Variants in PCDHA3 observed in about 807,000 individuals in gnomAD.
The protein encoded by PCDHA3 is protocadherin alpha-3.
Under a neutral mutation model 62.2 loss-of-function variants are expected in PCDHA3, and 41 were observed. The ratio of observed to expected loss-of-function variants is 0.66; its 90% CI spans 0.51 to 0.86. The LOEUF (loss-of-function observed/expected upper bound fraction) is 0.86, where lower values mean the gene tolerates loss of function less well. PCDHA3 is among the 40% of genes least tolerant of loss of function. The pLI, the probability that PCDHA3 is intolerant of heterozygous loss-of-function variation, is 0.00. For missense variants in PCDHA3, 1,304 were observed against 1,241.2 expected, an observed-to-expected ratio of 1.05 and a Z score of -0.76; for synonymous variants, 640 against 555.4, an observed-to-expected ratio of 1.15 and a Z score of -2.14.
intron 1 of PCDHA3, chr5:140,852,259 C>A: frequency 2.0e-6 from 1 of 509,052 alleles, no homozygotes; most frequent in Non-Finnish European, 2.6e-6. Flanking sequence ...TTGGAATATG[C>A]TACAATATTA....
chr5:140,848,691 T>A (rs1554142358), intron 1 of PCDHA3: 1 of 1,591,900 alleles, frequency 6.3e-7, no homozygotes, highest in Non-Finnish European at 8.6e-7. Flanking sequence ...CCTGTTCCAG[T>A]TGGATTCCAA....
At chr5:140,932,709 A>G (rs2088560759) in intron 1 of PCDHA3, among the ~76,000 whole-genome samples, 1 of 151,956 alleles carries the variant, frequency 6.6e-6, no homozygotes, top group African/African-American at 2.4e-5. Context: ...TATAGACAAC[A>G]CAATAATATT....
intron 1 of PCDHA3, chr5:140,830,076 C>T (rs2150180752): frequency 3.8e-5 from 61 of 1,613,536 alleles, no homozygotes; most frequent in Non-Finnish European, 4.8e-5. Context: ...CTGACAGCGA[C>T]GGCCACGGTT....
intron 1 of PCDHA3, chr5:140,856,305 A>G (rs782323132): frequency 1.9e-6 from 3 of 1,598,594 alleles, no homozygotes; most frequent in Non-Finnish European, 2.6e-6. Flanking sequence ...TTGTTTGTGA[A>G]TTCTCGGATT....
At chr5:140,882,072 T>C in intron 1 of PCDHA3, 2 of 861,580 alleles carry the variant, frequency 2.3e-6, no homozygotes, top group South Asian at 1.9e-5. Context: ...TTCATGCGCA[T>C]GGTGTCGCTC....
chr5:140,969,049 C>A, intron 1 of PCDHA3: 1 of 1,614,142 alleles, frequency 6.2e-7, no homozygotes, highest in Non-Finnish European at 8.5e-7. Context: ...AACAAGCCAA[C>A]AACAATATTG....
At chr5:140,915,059 C>T (rs1554196724) in intron 1 of PCDHA3, among the ~76,000 whole-genome samples, 1 of 151,706 alleles carries the variant, frequency 6.6e-6, no homozygotes, top group Non-Finnish European at 1.5e-5. Flanking sequence ...GATTCTCCTG[C>T]CTTAGCCTAC....
chr5:140,828,285 G>T lies in PCDHA3; in HGVS notation c.2394+24694G>T, dbSNP rs1200053101. ...GCGGAGCTGGTGCCGCGCCTGTTCA[G>T]GATGGCCTCCAAAGACCGCGAGGAC... On this transcript the variant is annotated intron_variant, in intron 1 of 3. Coordinates refer to ENST00000522353, the MANE Select transcript of PCDHA3 (RefSeq NM_018906.3). The T allele has an allele frequency of 1.2e-6, 2 of 1,614,124 alleles. No homozygotes were observed. The highest frequency in any genetic ancestry group is 1.7e-6 in the Non-Finnish European group (2 of 1,180,054).
chr5:141,005,463 G>A (rs2098214977), intron 3 of PCDHA3, among the ~76,000 whole-genome samples: 1 of 151,944 alleles, frequency 6.6e-6, no homozygotes. Context: ...CAGCACTTTG[G>A]GAGGCCGAGA....
intron 1 of PCDHA3, among the ~76,000 whole-genome samples, chr5:140,913,494 T>C (rs1554195964): frequency 6.6e-6 from 1 of 152,116 alleles, no homozygotes; most frequent in Non-Finnish European, 1.5e-5. Flanking sequence ...CATTAGTCTG[T>C]TTAAAACTTT....
chr5:140,963,850 A>T (rs2095793640), intron 1 of PCDHA3, among the ~76,000 whole-genome samples: 1 of 152,244 alleles, frequency 6.6e-6, no homozygotes. Flanking sequence ...TAATCATAAT[A>T]ATAACCGTAT....
intron 1 of PCDHA3, chr5:140,856,399 T>C (rs782023286): frequency 6.3e-7 from 1 of 1,598,492 alleles, no homozygotes; most frequent in Non-Finnish European, 8.6e-7. Context: ...AGGTTTTCCA[T>C]GTGGACGTGG....
chr5:140,882,133 G>A, intron 1 of PCDHA3: 1 of 1,483,612 alleles, frequency 6.7e-7, no homozygotes, highest in Non-Finnish European at 9.0e-7. Flanking sequence ...TCTTCCTGCA[G>A]AAAATATAGC....
intron 1 of PCDHA3, chr5:140,863,962 C>T (rs1378381215): frequency 6.4e-6 from 1 of 155,852 alleles, no homozygotes; most frequent in Non-Finnish European, 1.4e-5. Context: ...GATTAGGCCA[C>T]TGCACTACAG....
chr5:140,938,979 C>T (rs1485638673), intron 1 of PCDHA3, among the ~76,000 whole-genome samples: 2 of 152,158 alleles, frequency 1.3e-5, no homozygotes, highest in Non-Finnish European at 2.9e-5. Flanking sequence ...TCAAGGCTAT[C>T]CTGGCTTTAT....
intron 1 of PCDHA3, among the ~76,000 whole-genome samples, chr5:140,908,191 G>A (rs548195405): frequency 2.6e-5 from 4 of 152,244 alleles, no homozygotes; most frequent in African/African-American, 9.6e-5. Flanking sequence ...TTCAGGTGGT[G>A]GACATATCAT....
chr5:140,990,369 C>T (rs2097390541), intron 3 of PCDHA3, among the ~76,000 whole-genome samples: 1 of 152,054 alleles, frequency 6.6e-6, no homozygotes, highest in South Asian at 2.1e-4. Flanking sequence ...TCTAATAAAG[C>T]AAATTTGTTG....
chr5:140,808,809 G>T, intron 1 of PCDHA3: 6 of 1,612,748 alleles, frequency 3.7e-6, no homozygotes, highest in Non-Finnish European at 5.1e-6. Flanking sequence ...CGCGATGCCG[G>T]CGTGCCACCT....
At chr5:140,924,906 T>A (rs199645977) in intron 1 of PCDHA3, among the ~76,000 whole-genome samples, 5,369 of 55,724 alleles carry the variant, frequency 0.096, 112 homozygotes, top group Non-Finnish European at 0.11. Context: ...AAAAAAAAAA[T>A]AAAATAAAAT....
Sources: allele counts gnomAD v4.1 joint callset (sites outside exome capture counted in the v4.1 genomes callset), GRCh38; gene constraint gnomAD v4.1.1; transcripts MANE v1.5; gene names NCBI Gene and HGNC (gene_info 2026-07-23, HGNC 2026-07-21).